Variants in SLC35F5 observed in about 807,000 individuals in gnomAD.
The protein encoded by SLC35F5 is solute carrier family 35 member F5.
SLC35F5 carries 54 observed loss-of-function variants against 68.6 expected under a neutral mutation model. The ratio of observed to expected loss-of-function variants is 0.79; its 90% CI spans 0.63 to 0.99. SLC35F5 has a LOEUF of 0.99. SLC35F5 is among the 50% of genes least tolerant of loss of function. The probability of loss-of-function intolerance (pLI) is 0.00; values close to 1 mark genes in which losing one functional copy is unlikely to be tolerated. For synonymous variants in SLC35F5, 211 were observed against 205.2 expected, an observed-to-expected ratio of 1.03 and a Z score of -0.24; for missense variants, 567 against 626.9, an observed-to-expected ratio of 0.90 and a Z score of 1.02.
At chr2:113,743,002 C>A in intron 6 of SLC35F5, 123 bp from the exon 7 acceptor site, 7 of 896,890 alleles carry the variant, frequency 7.8e-6, no homozygotes, top group South Asian at 7.6e-5. Flanking sequence ...TCAAAGTAAA[C>A]CAAAAAGAGG....
At chr2:113,729,639 T>C (rs1028576717) in intron 10 of SLC35F5, 134 bp from the exon 11 acceptor site, 1 of 607,096 alleles carries the variant, frequency 1.6e-6, no homozygotes, top group Non-Finnish European at 2.9e-6. Flanking sequence ...AAATCACCTT[T>C]ATATTGATAT....
chr2:113,705,550 TA>T (rs373794076), downstream of SLC35F5: 305 of 145,160 alleles, frequency 2.1e-3, no homozygotes, highest in Middle Eastern at 3.5e-3. Flanking sequence ...AGATTCCATC[TA>T]AAAAAAAAAA....
chr2:113,702,906 C>T (rs190180730), downstream of SLC35F5, among the ~76,000 whole-genome samples: 37 of 152,142 alleles, frequency 2.4e-4, no homozygotes, highest in Non-Finnish European at 3.7e-4. Context: ...GCCAGGAGTT[C>T]GAGACCAGCC....
At chr2:113,731,254 A>G (rs2104436946) in intron 10 of SLC35F5, among the ~76,000 whole-genome samples, 1 of 152,320 alleles carries the variant, frequency 6.6e-6, no homozygotes, top group East Asian at 1.9e-4. Context: ...AATGCAATAA[A>G]TGATCCTAGA....
At chr2:113,703,377 C>T (rs558784417), downstream of SLC35F5, among the ~76,000 whole-genome samples, 15 of 152,250 alleles carry the variant, frequency 9.9e-5, no homozygotes, top group South Asian at 3.1e-3. Context: ...AATTCTTAGG[C>T]GTAGGAAAAA....
chr2:113,746,150 G>T, intron 5 of SLC35F5, 127 bp downstream of exon 5: 1 of 720,140 alleles, frequency 1.4e-6, no homozygotes, highest in Non-Finnish European at 2.4e-6. Flanking sequence ...CAATCCTAAT[G>T]ATGGGCACCC....
At chr2:113,736,786 A>G (rs1433344085) in intron 7 of SLC35F5, among the ~76,000 whole-genome samples, 1 of 152,146 alleles carries the variant, frequency 6.6e-6, no homozygotes, top group Non-Finnish European at 1.5e-5. Flanking sequence ...AGCTATCAGG[A>G]CTTTTTTTAA....
chr2:113,725,545 T>A lies in SLC35F5; in HGVS notation c.1091-8A>T. 1 of 1,563,166 alleles carries A rather than the reference T, an allele frequency of 6.4e-7. No homozygotes were observed. The highest frequency in any genetic ancestry group is 2.3e-5 in the Admixed American group (1 of 43,986). ...TAAACAAACCTACAAAACCTGAACA[T>A]GTATAAAAGAGACAAGAGTTAAAAT... On this transcript the variant is annotated splice_polypyrimidine_tract_variant and splice_region_variant and intron_variant, in intron 11 of 15. Transcript: ENST00000245680.
At chr2:113,753,196 G>C (rs1400331888) in intron 3 of SLC35F5, among the ~76,000 whole-genome samples, 4 of 9,174 alleles carry the variant, frequency 4.4e-4, no homozygotes, top group Non-Finnish European at 9.5e-4. Flanking sequence ...TTTTTTTTTT[G>C]CTAAGGAGTT....
chr2:113,753,413 G>T (rs1676836412), intron 3 of SLC35F5, among the ~76,000 whole-genome samples: 1 of 151,912 alleles, frequency 6.6e-6, no homozygotes, highest in South Asian at 2.1e-4. Context: ...CTGACTTCAG[G>T]TGATCTGCCC....
At chr2:113,747,949 G>A (rs60896642) in intron 4 of SLC35F5, among the ~76,000 whole-genome samples, 2,054 of 152,020 alleles carry the variant, frequency 0.014, 54 homozygotes, top group African/African-American at 0.046. Flanking sequence ...AAAATTAGCC[G>A]GGCATGGTGG....
At chr2:113,750,940 T>A (rs975023150) in intron 3 of SLC35F5, among the ~76,000 whole-genome samples, 1 of 152,142 alleles carries the variant, frequency 6.6e-6, no homozygotes, top group Non-Finnish European at 1.5e-5. Flanking sequence ...AGCCCAGAAT[T>A]TCAAGACCTG....
chr2:113,746,351 T>C lies in SLC35F5; in HGVS notation c.418-12A>G, dbSNP rs747480972. On this transcript the variant is annotated splice_polypyrimidine_tract_variant and intron_variant, in intron 4 of 15. Transcript: ENST00000245680. The stretch of plus-strand genomic sequence containing the variant: ...TCAGCATCTGCAAACTAAATACAGA[T>C]AACAAGATACAAAATTCAATGAAAC... The C allele has an allele frequency of 5.0e-6, 8 of 1,606,628 alleles. No homozygotes were observed. The highest frequency in any genetic ancestry group is 1.7e-5 in the Admixed American group (1 of 59,974).
At chr2:113,703,234 A>T (rs1230488143), downstream of SLC35F5, among the ~76,000 whole-genome samples, 1 of 151,998 alleles carries the variant, frequency 6.6e-6, no homozygotes, top group African/African-American at 2.4e-5. Context: ...GGATATACTC[A>T]ACAGATCTTA....
At chr2:113,719,480 C>CCGGGCGCGG in intron 13 of SLC35F5, 172 bp from the exon 14 acceptor site, 1 of 510,502 alleles carries the variant, frequency 2.0e-6, no homozygotes, top group Admixed American at 4.1e-5. Context: ...GAATTCAAGA[C>CCGGGCGCGG]TTCAACTTAC....
intron 14 of SLC35F5, among the ~76,000 whole-genome samples, chr2:113,718,863 GAA>G (rs1331231113): frequency 1.1e-5 from 1 of 93,384 alleles, no homozygotes; most frequent in East Asian, 3.0e-4. Context: ...GAGAGAGAAA[GAA>G]AAAGAAAGAA....
At chr2:113,738,694 T>C (rs187924707) in intron 7 of SLC35F5, among the ~76,000 whole-genome samples, 8 of 151,630 alleles carry the variant, frequency 5.3e-5, no homozygotes, top group Non-Finnish European at 8.8e-5. Context: ...ACAAAAGATA[T>C]TCAAAGAAGA....
At chr2:113,733,904 T>A (rs1042265460) in intron 9 of SLC35F5, among the ~76,000 whole-genome samples, 9 of 152,262 alleles carry the variant, frequency 5.9e-5, no homozygotes, top group African/African-American at 2.2e-4. Flanking sequence ...TCTCTGATTT[T>A]GTTTCATAAA....
chr2:113,753,162 G>GTTTTTTT lies in SLC35F5; in HGVS notation c.273+2002_273+2003insAAAAAAA, dbSNP rs143010470. ...AATACACACTTTATCTCCAAAGTTTGTTTTTCTTTTTTTTTTTTTTTTTTT... is the reference window on the plus strand; with the variant it reads ...AATACACACTTTATCTCCAAAGTTTGTTTTTTTTTTTTCTTTTTTTTTTTTTTTTTTT... On this transcript the variant is annotated intron_variant, in intron 3 of 15. Transcript: ENST00000245680. Among the ~76,000 whole-genome samples, 38 of 50,526 alleles carry GTTTTTTT rather than the reference G, an allele frequency of 7.5e-4. 2 individuals carry two copies. Among genetic ancestry groups the GTTTTTTT allele is most frequent in the Non-Finnish European group, 1.3e-3 (33 of 25,004 alleles). 33.1% of individuals were successfully genotyped at this position (50,526 alleles called of 152,430 possible).
Sources: allele counts gnomAD v4.1 joint callset (sites outside exome capture counted in the v4.1 genomes callset), GRCh38; gene constraint gnomAD v4.1.1; transcripts MANE v1.5; gene names NCBI Gene and HGNC (gene_info 2026-07-23, HGNC 2026-07-21).